The following PPP3CA variants were observed in gnomAD, a reference collection of about 807,000 sequenced individuals.
PPP3CA encodes the protein CAM-PRP catalytic subunit.
PPP3CA carries 14 observed loss-of-function variants against 66.5 expected under a neutral mutation model. The observed-to-expected ratio is 0.21, with a 90% CI of 0.14 to 0.33. PPP3CA has a LOEUF of 0.33. PPP3CA is among the 10% of genes least tolerant of loss of function. The pLI, the probability that PPP3CA is intolerant of heterozygous loss-of-function variation, is 1.00. For synonymous variants in PPP3CA, 232 were observed against 226.2 expected (o/e 1.03, Z -0.23); for missense variants, 317 against 639.5 (o/e 0.50, Z 5.44).
At chr4:101,028,094 T>C (rs1726753347) in intron 13 of PPP3CA, among the ~76,000 whole-genome samples, 1 of 152,164 alleles carries the variant, frequency 6.6e-6, no homozygotes, top group African/African-American at 2.4e-5. Flanking sequence ...TTGTTTCCCC[T>C]ACCATATCCA....
At chr4:101,171,025 C>G (rs557354911) in intron 2 of PPP3CA, 196 of 314,874 alleles carry the variant, frequency 6.2e-4, no homozygotes, top group Non-Finnish European at 6.8e-4. Context: ...TACAGGAATA[C>G]TTAAATATTT....
intron 1 of PPP3CA, among the ~76,000 whole-genome samples, chr4:101,204,583 C>A (rs1445805132): frequency 6.7e-6 from 1 of 148,412 alleles, no homozygotes; most frequent in African/African-American, 2.5e-5. Flanking sequence ...ATGTAGTGAG[C>A]CCAGATGGCA....
intron 2 of PPP3CA, among the ~76,000 whole-genome samples, chr4:101,129,583 C>G (rs745834370): frequency 6.6e-6 from 1 of 152,212 alleles, no homozygotes; most frequent in African/African-American, 2.4e-5. Context: ...GCAGCCTCTG[C>G]TAGTGATAAC....
intron 1 of PPP3CA, among the ~76,000 whole-genome samples, chr4:101,336,913 C>A (rs2110338722): frequency 6.6e-6 from 1 of 152,262 alleles, no homozygotes; most frequent in African/African-American, 2.4e-5. Flanking sequence ...CTGGGAGTCT[C>A]ATTTGTAGGC....
intron 2 of PPP3CA, among the ~76,000 whole-genome samples, chr4:101,144,419 T>C (rs1045665090): frequency 3.3e-5 from 5 of 152,026 alleles, no homozygotes; most frequent in African/African-American, 1.2e-4. Flanking sequence ...ATCCCTCTGC[T>C]CCTTAGGACA....
chr4:101,197,091 A>G (rs975694953), intron 1 of PPP3CA, among the ~76,000 whole-genome samples: 1 of 152,252 alleles, frequency 6.6e-6, no homozygotes, highest in Non-Finnish European at 1.5e-5. Context: ...GGCAAGCAGC[A>G]TAAACATCAT....
At chr4:101,124,414 A>G (rs944725775) in intron 2 of PPP3CA, among the ~76,000 whole-genome samples, 1 of 152,020 alleles carries the variant, frequency 6.6e-6, no homozygotes, top group Non-Finnish European at 1.5e-5. Context: ...TGAGGTTCCT[A>G]GGAGTTCCAG....
intron 5 of PPP3CA, among the ~76,000 whole-genome samples, chr4:101,097,385 G>A (rs73833213): frequency 0.015 from 2,343 of 152,170 alleles, 64 homozygotes; most frequent in African/African-American, 0.052. Flanking sequence ...GATAAATACA[G>A]TTTTCAACTG....
intron 1 of PPP3CA, among the ~76,000 whole-genome samples, chr4:101,256,729 T>G (rs1560684170): frequency 6.6e-6 from 1 of 152,052 alleles, no homozygotes; most frequent in Admixed American, 6.6e-5. Flanking sequence ...AGTAGGATTT[T>G]CTGGTTCCCT....
intron 1 of PPP3CA, among the ~76,000 whole-genome samples, chr4:101,295,361 T>C (rs946067143): frequency 6.6e-6 from 1 of 151,266 alleles, no homozygotes; most frequent in Non-Finnish European, 1.5e-5. Context: ...TTTTAGTGGC[T>C]TCAACACCTT....
chr4:101,035,318 C>CAAA (rs75921822), intron 11 of PPP3CA, among the ~76,000 whole-genome samples: 16 of 151,552 alleles, frequency 1.1e-4, no homozygotes, highest in African/African-American at 1.9e-4. Flanking sequence ...TGGGACTCAT[C>CAAA]AAAAAAAACA....
intron 12 of PPP3CA, 139 bp from the exon 13 acceptor site, chr4:101,029,334 A>G (rs1174988327): frequency 2.0e-6 from 1 of 488,832 alleles, no homozygotes; most frequent in East Asian, 3.5e-5. Flanking sequence ...CACAGACAAC[A>G]AAACAGAAAT....
chr4:101,330,518 T>C (rs1424578177), intron 1 of PPP3CA: 3 of 483,944 alleles, frequency 6.2e-6, no homozygotes, highest in South Asian at 3.1e-5. Flanking sequence ...AGTATGTACA[T>C]TGCTTTTTTA....
At chr4:101,117,229 A>G (rs1021011861) in intron 2 of PPP3CA, among the ~76,000 whole-genome samples, 2 of 151,906 alleles carry the variant, frequency 1.3e-5, no homozygotes, top group Non-Finnish European at 2.9e-5. Context: ...CCAGTACTAA[A>G]TACTTCATTC....
At chr4:101,227,382 T>C (rs1270337543) in intron 1 of PPP3CA, among the ~76,000 whole-genome samples, 1 of 151,594 alleles carries the variant, frequency 6.6e-6, no homozygotes. Context: ...CATATAGGAG[T>C]ACAATTGTTG....
chr4:101,224,720 G>A (rs766623401), intron 1 of PPP3CA, among the ~76,000 whole-genome samples: 12 of 151,696 alleles, frequency 7.9e-5, no homozygotes, highest in South Asian at 4.1e-4. Flanking sequence ...TAAGGAAATC[G>A]GGGCAGGGGG....
intron 1 of PPP3CA, among the ~76,000 whole-genome samples, chr4:101,236,782 G>A (rs1016384968): frequency 6.6e-6 from 1 of 151,698 alleles, no homozygotes; most frequent in Non-Finnish European, 1.5e-5. Flanking sequence ...GGAATGTCCA[G>A]AAGTCTTAAG....
Position 101,154,808 on chromosome 4 carries a change from A to ATTTTTTTTTTTTTTTT in PPP3CA, c.259+41092_259+41107dup, listed in dbSNP as rs779695561. Among the ~76,000 whole-genome samples the ATTTTTTTTTTTTTTTT allele has an allele frequency of 2.2e-5, 2 of 90,614 alleles. 1 individual carries two copies. Among genetic ancestry groups the ATTTTTTTTTTTTTTTT allele is most frequent in the Non-Finnish European group, 3.9e-5 (2 of 50,730 alleles). 59.4% of individuals were successfully genotyped at this position (90,614 alleles called of 152,430 possible). Reference sequence around the variant, plus strand: ...GCTTCAGAACACATTCACTCCCAGAATTTTTTTTTTTTTTTTTTTTTTTTT... The same window carrying ATTTTTTTTTTTTTTTT: ...GCTTCAGAACACATTCACTCCCAGAATTTTTTTTTTTTTTTTTTTTTTTTTTTTTTTTTTTTTTTTT... On this transcript the variant is annotated intron_variant, in intron 2 of 13. Coordinates refer to ENST00000394854, the MANE Select transcript of PPP3CA (RefSeq NM_000944.5).
At chr4:101,056,852 AC>A (rs1483408621) in intron 10 of PPP3CA, among the ~76,000 whole-genome samples, 118 of 150,816 alleles carry the variant, frequency 7.8e-4, no homozygotes, top group African/African-American at 2.6e-3. Context: ...AAAAAAAAAA[AC>A]AACTCACTTC....
Sources: allele counts gnomAD v4.1 joint callset (sites outside exome capture counted in the v4.1 genomes callset), GRCh38; gene constraint gnomAD v4.1.1; transcripts MANE v1.5; gene names NCBI Gene and HGNC (gene_info 2026-07-23, HGNC 2026-07-21).